NBAS: variants seen among roughly 807,000 people sequenced by gnomAD.
NBAS encodes the protein NBAS subunit of NRZ tethering complex.
Under a neutral mutation model 302.5 loss-of-function variants are expected in NBAS, and 219 were observed. The ratio of observed to expected loss-of-function variants is 0.72; its 90% confidence interval spans 0.65 to 0.81. The LOEUF is 0.81. Among genes scored for constraint, NBAS ranks in the 30% least tolerant of loss-of-function variants. The pLI, the probability that NBAS is intolerant of heterozygous loss-of-function variation, is 0.00. For synonymous variants in NBAS, 1,118 were observed against 1,021.6 expected, an observed-to-expected ratio of 1.09 and a Z score of -1.80; for missense variants, 2,932 against 2,841.6, an observed-to-expected ratio of 1.03 and a Z score of -0.72.
At chr2:15,263,650 T>C in intron 44 of NBAS, among the ~76,000 whole-genome samples, 1 of 152,108 alleles carries the variant, frequency 6.6e-6, no homozygotes, top group Non-Finnish European at 1.5e-5. Context: ...GTTCCCATCT[T>C]TCTAATATTT....
At chr2:15,551,684 C>T in intron 5 of NBAS, 148 bp from the exon 6 acceptor site, 2 of 594,490 alleles carry the variant, frequency 3.4e-6, no homozygotes, top group Non-Finnish European at 6.1e-6. Context: ...AATTATGACC[C>T]TTTTGTCAGT....
intron 47 of NBAS, among the ~76,000 whole-genome samples, chr2:15,229,400 G>A (rs555475617): frequency 1.4e-5 from 2 of 143,820 alleles, no homozygotes; most frequent in South Asian, 2.3e-4. Flanking sequence ...CCACCTAAAC[G>A]TGTACAATTA....
At chr2:15,520,199 A>AGAGACCAGCTTGG (rs1662596033) in intron 9 of NBAS, among the ~76,000 whole-genome samples, 1 of 152,170 alleles carries the variant, frequency 6.6e-6, no homozygotes, top group Non-Finnish European at 1.5e-5. Flanking sequence ...GCCAAGAGTT[A>AGAGACCAGCTTGG]GAGACCAGCT....
chr2:15,236,702 G>A (rs1238292362), intron 45 of NBAS, among the ~76,000 whole-genome samples: 2 of 151,682 alleles, frequency 1.3e-5, no homozygotes, highest in East Asian at 3.9e-4. Flanking sequence ...ACTTTTCCTT[G>A]AAGATTGTAA....
chr2:15,329,727 C>G (rs548448646), intron 36 of NBAS, among the ~76,000 whole-genome samples: 1 of 152,242 alleles, frequency 6.6e-6, no homozygotes, highest in South Asian at 2.1e-4. Flanking sequence ...AAGTGTGCTG[C>G]CCCAGTCCAG....
chr2:15,119,221 C>T, the NBAS span, among the ~76,000 whole-genome samples: 2 of 151,912 alleles, frequency 1.3e-5, no homozygotes, highest in Non-Finnish European at 2.9e-5. Flanking sequence ...TGCTATGTGC[C>T]AGAGTGTGGC....
Position 15,276,907 on chromosome 2 carries a change from G to A in NBAS, c.5333C>T (p.Ala1778Val). 6.2e-7 allele frequency: 1 copy of A among 1,613,992 alleles called. No individual in the cohort carries two copies. Among genetic ancestry groups the A allele is most frequent in the Non-Finnish European group, 8.5e-7 (1 of 1,179,952 alleles). The change falls in exon 43 of 52, where the codon GCC becomes GTC. Residue 1778 changes from alanine (A) to valine (V), a missense_variant. Coordinates refer to ENST00000281513, the MANE Select transcript of NBAS (RefSeq NM_015909.4). ...NCGCADLGNC[A>V]IKPETHIRLL... ...TCGAATGTGGGTTTCTGGTTTAATG[G>A]CACAGTTCCCCAAATCTGCACAGCC... is the stretch of plus-strand genomic sequence containing the variant.
chr2:14,968,276 A>G, the NBAS span, among the ~76,000 whole-genome samples: 1 of 152,228 alleles, frequency 6.6e-6, no homozygotes, highest in Non-Finnish European at 1.5e-5. Context: ...TAATCAAAAG[A>G]CAAAGAACCC....
At chr2:14,981,437 C>T in the NBAS span, among the ~76,000 whole-genome samples, 1 of 152,198 alleles carries the variant, frequency 6.6e-6, no homozygotes. Flanking sequence ...TATATTCCTC[C>T]CAACCACTTT....
the NBAS span, among the ~76,000 whole-genome samples, chr2:14,962,668 G>A: frequency 6.6e-6 from 1 of 152,086 alleles, no homozygotes; most frequent in Non-Finnish European, 1.5e-5. Context: ...CAGGACAAAA[G>A]ACACTATTCA....
At position 15,406,938 on chromosome 2, in the gene NBAS, G is replaced by A. The variant is rs1676444615; in HGVS notation, c.2938-4637C>T. On this transcript the variant is annotated intron_variant, in intron 25 of 51. Coordinates refer to ENST00000281513, the MANE Select transcript of NBAS (RefSeq NM_015909.4). ...ACGGGCATACTCCTACTTGGCTGGT[G>A]GGAATGTAAATTAGAACAGTCCTAC... Among the ~76,000 whole-genome samples the A allele has an allele frequency of 2.6e-5, 4 of 152,104 alleles. No individual in the cohort carries two copies. The South Asian group carries it at 8.3e-4, about 32-fold the overall frequency.
the NBAS span, among the ~76,000 whole-genome samples, chr2:14,940,747 C>G: frequency 0.043 from 6,541 of 152,220 alleles, 430 homozygotes; most frequent in African/African-American, 0.15. Context: ...CAGGGCTGCT[C>G]CCGATGTATG....
the NBAS span, among the ~76,000 whole-genome samples, chr2:15,158,186 A>T: frequency 6.6e-6 from 1 of 152,170 alleles, no homozygotes; most frequent in Non-Finnish European, 1.5e-5. Flanking sequence ...CTTTTCTGAT[A>T]AATTCTCTGG....
At chr2:14,782,790 G>T in the NBAS span, among the ~76,000 whole-genome samples, 1 of 152,164 alleles carries the variant, frequency 6.6e-6, no homozygotes, top group East Asian at 1.9e-4. Flanking sequence ...AAAAGAATAA[G>T]ATCATGTCCT....
At chr2:15,232,778 G>GAAAAAC (rs1667435634) in intron 46 of NBAS, among the ~76,000 whole-genome samples, 1 of 151,616 alleles carries the variant, frequency 6.6e-6, no homozygotes, top group East Asian at 1.9e-4. Context: ...TGTGTCATTC[G>GAAAAAC]AAAAACATTC....
At chr2:15,179,262 A>C in intron 50 of NBAS, 146 bp from the exon 51 acceptor site, 1 of 1,190,844 alleles carries the variant, frequency 8.4e-7, no homozygotes, top group African/African-American at 1.5e-5. Flanking sequence ...GGATATACTG[A>C]ATATGGGCGT....
chr2:14,824,873 A>G, the NBAS span, among the ~76,000 whole-genome samples: 1 of 151,984 alleles, frequency 6.6e-6, no homozygotes, highest in Non-Finnish European at 1.5e-5. Context: ...GGAAAAGGAA[A>G]ATGCATGAGA....
chr2:15,174,073 T>C (rs1159644860), intron 51 of NBAS, among the ~76,000 whole-genome samples: 2 of 152,224 alleles, frequency 1.3e-5, no homozygotes, highest in East Asian at 3.8e-4. Flanking sequence ...AGCTGCCTAT[T>C]GCTGGACGCA....
At chr2:15,416,814 A>G (rs114113349) in intron 24 of NBAS, among the ~76,000 whole-genome samples, 4,147 of 133,998 alleles carry the variant, frequency 0.031, 144 homozygotes, top group African/African-American at 0.1. Context: ...TGAAAAAAAG[A>G]AAAAAAAAAA....
Sources: gnomAD v4.1 joint callset for allele counts (sites outside exome capture counted in the v4.1 genomes callset) on GRCh38, gnomAD v4.1.1 for gene constraint, MANE v1.5 for transcripts, NCBI Gene and HGNC (gene_info 2026-07-23, HGNC 2026-07-21) for gene names.